CLEC4A: variants seen among roughly 807,000 people sequenced by gnomAD.
The protein encoded by CLEC4A is C-type (calcium dependent, carbohydrate-recognition domain) lectin, superfamily member 6.
In CLEC4A, 27 loss-of-function variants were observed where a neutral mutation model predicts 32.7. That is an observed-to-expected ratio of 0.83 (90% CI 0.61 to 1.14). The LOEUF (loss-of-function observed/expected upper bound fraction) is 1.14, where lower values mean the gene tolerates loss of function less well. Among genes scored for constraint, CLEC4A ranks in the 50% most tolerant of loss-of-function variants. The pLI is 0.00. For missense variants in CLEC4A, 253 were observed against 274.6 expected, an observed-to-expected ratio of 0.92 and a Z score of 0.55; for synonymous variants, 89 against 93.7, an observed-to-expected ratio of 0.95 and a Z score of 0.29.
chr12:8,125,220 A>G (rs1947880262), intron 1 of CLEC4A, among the ~76,000 whole-genome samples: 1 of 152,128 alleles, frequency 6.6e-6, no homozygotes. Flanking sequence ...TAGGTCAGAA[A>G]TCAGTATTTA....
intron 3 of CLEC4A, chr12:8,134,989 T>TTTTTTTTTTTTTTTTTG: frequency 3.6e-6 from 1 of 275,172 alleles, no homozygotes; most frequent in Non-Finnish European, 5.8e-6. Flanking sequence ...GTTTTTTGTT[T>TTTTTTTTTTTTTTTTTG]TTTTTTAATC....
upstream of CLEC4A, among the ~76,000 whole-genome samples, chr12:8,120,548 G>T (rs1457031617): frequency 2.0e-5 from 3 of 152,230 alleles, no homozygotes; most frequent in Non-Finnish European, 4.4e-5. Flanking sequence ...CACACTGTCA[G>T]CCTCTCAGAG....
the CLEC4A span, among the ~76,000 whole-genome samples, chr12:8,111,427 G>T: frequency 6.6e-6 from 1 of 152,028 alleles, no homozygotes; most frequent in African/African-American, 2.4e-5. Flanking sequence ...TGGTCCACCT[G>T]CCTCAGCCTC....
At chr12:8,132,526 T>C (rs1591609847) in intron 3 of CLEC4A, among the ~76,000 whole-genome samples, 2 of 152,346 alleles carry the variant, frequency 1.3e-5, no homozygotes, top group South Asian at 4.1e-4. Context: ...TTTCAGCAAT[T>C]TTAAATTAGT....
chr12:8,109,601 AG>A, the CLEC4A span, among the ~76,000 whole-genome samples: 2 of 152,210 alleles, frequency 1.3e-5, no homozygotes, highest in Admixed American at 1.3e-4. Flanking sequence ...CTGTAATGCC[AG>A]TGCTTTAGGA....
At chr12:8,133,253 G>C (rs986424948) in intron 3 of CLEC4A, among the ~76,000 whole-genome samples, 5 of 152,002 alleles carry the variant, frequency 3.3e-5, no homozygotes, top group African/African-American at 9.7e-5. Context: ...GTTTCGCCAT[G>C]TTGGCCAGGC....
At chr12:8,129,053 T>C (rs1947948660) in intron 2 of CLEC4A, among the ~76,000 whole-genome samples, 5 of 152,088 alleles carry the variant, frequency 3.3e-5, no homozygotes, top group Admixed American at 3.3e-4. Flanking sequence ...TTTAGATCCA[T>C]TATGATGGAA....
chr12:8,129,444 G>C, intron 3 of CLEC4A, 82 bp downstream of exon 3: 1 of 913,034 alleles, frequency 1.1e-6, no homozygotes, highest in Admixed American at 2.4e-5. Context: ...AAGATTCCCA[G>C]GTAGATCATA....
rs1217645501 is a variant in CLEC4A at position 8,129,262 on chromosome 12, A to G, written c.200-2A>G. On this transcript the variant is annotated splice_acceptor_variant, in intron 2 of 5. Transcript: ENST00000229332. LOFTEE classifies it high-confidence loss of function. ...ATAAATGGTCTTTATTCTCTTTTCC[A>G]GTTTTCTTTCAAAAATATTCTCAGC... 6.4e-7 allele frequency: 1 copy of G among 1,566,366 alleles called. No individual in the cohort carries two copies. The highest frequency in any genetic ancestry group is 1.8e-5 in the Admixed American group (1 of 56,832).
At chr12:8,111,963 G>GTATATATATA in the CLEC4A span, among the ~76,000 whole-genome samples, 1 of 142,604 alleles carries the variant, frequency 7.0e-6, no homozygotes, top group African/African-American at 2.7e-5. Context: ...GTGTGTGTGT[G>GTATATATATA]TATTTTATTT....
the CLEC4A span, among the ~76,000 whole-genome samples, chr12:8,113,087 G>A: frequency 2.0e-5 from 3 of 151,242 alleles, no homozygotes; most frequent in African/African-American, 7.3e-5. Context: ...ATTTACATTA[G>A]GTATATCTCC....
At chr12:8,128,118 G>A (rs1397823505) in intron 2 of CLEC4A, among the ~76,000 whole-genome samples, 2 of 152,142 alleles carry the variant, frequency 1.3e-5, no homozygotes, top group African/African-American at 2.4e-5. Context: ...TCTGGGAAAT[G>A]TTACATTTTA....
chr12:8,117,123 G>T, the CLEC4A span, among the ~76,000 whole-genome samples: 1 of 152,082 alleles, frequency 6.6e-6, no homozygotes, highest in Non-Finnish European at 1.5e-5. Context: ...AAGAATTTAG[G>T]ATATATTGAG....
upstream of CLEC4A, among the ~76,000 whole-genome samples, chr12:8,118,935 G>A (rs1276968968): frequency 1.3e-5 from 2 of 152,192 alleles, no homozygotes; most frequent in Non-Finnish European, 2.9e-5. Context: ...GTGAAGACAT[G>A]GAGTTCCTCC....
intron 2 of CLEC4A, 55 bp from the exon 3 acceptor site, chr12:8,129,209 A>G: frequency 1.8e-6 from 2 of 1,141,920 alleles, no homozygotes; most frequent in South Asian, 2.7e-5. Flanking sequence ...GTAACGATAA[A>G]GAGCAAAGTC....
At chr12:8,112,479 A>T in the CLEC4A span, among the ~76,000 whole-genome samples, 2 of 152,110 alleles carry the variant, frequency 1.3e-5, no homozygotes, top group Non-Finnish European at 2.9e-5. Flanking sequence ...CTATTTTGTC[A>T]ACAGTTTATT....
the CLEC4A span, among the ~76,000 whole-genome samples, chr12:8,116,369 G>A: frequency 6.6e-6 from 1 of 152,164 alleles, no homozygotes; most frequent in African/African-American, 2.4e-5. Context: ...CCCAAAGTGT[G>A]AGGATTTCAG....
At chr12:8,119,981 A>G (rs2120552420), upstream of CLEC4A, among the ~76,000 whole-genome samples, 1 of 152,346 alleles carries the variant, frequency 6.6e-6, no homozygotes, top group East Asian at 1.9e-4. Flanking sequence ...TATTATAGCA[A>G]AAGGATACAA....
chr12:8,104,687 G>A, the CLEC4A span, among the ~76,000 whole-genome samples: 1,047 of 152,242 alleles, frequency 6.9e-3, 13 homozygotes, highest in African/African-American at 0.022. Flanking sequence ...TGGGTAATAA[G>A]CATAGTACTT....
Sources: gnomAD v4.1 joint callset for allele counts (sites outside exome capture counted in the v4.1 genomes callset) on GRCh38, gnomAD v4.1.1 for gene constraint, MANE v1.5 for transcripts, NCBI Gene and HGNC (gene_info 2026-07-23, HGNC 2026-07-21) for gene names.